SERF2: variants seen among roughly 807,000 people sequenced by gnomAD.
SERF2 encodes the protein gastric cancer-related protein VRG107.
SERF2 carries 4 observed loss-of-function variants against 10.7 expected under a neutral mutation model. The observed-to-expected ratio is 0.37, with a 90% CI of 0.18 to 0.86. The LOEUF is 0.86. SERF2 is among the 40% of genes least tolerant of loss of function. The pLI, the probability that SERF2 is intolerant of heterozygous loss-of-function variation, is 0.43. For missense variants in SERF2, 47 were observed against 79.1 expected (o/e 0.59, Z 1.54); for synonymous variants, 26 against 26.0 (o/e 1.00, Z 0.01).
At chr15:43,781,214 A>T (rs2086961149) in intron 1 of SERF2, among the ~76,000 whole-genome samples, 1 of 152,134 alleles carries the variant, frequency 6.6e-6, no homozygotes, top group East Asian at 1.9e-4. Context: ...GAGAGGGAGG[A>T]CACAAGATTT....
rs1347490038 is a variant in SERF2 at position 43,795,246 on chromosome 15, G to C, written c.*1473G>C. ...ACCAAAGGCTCTGGTTAGAGAATAT[G>C]AAGGGCCTTAGCTTTTAGACCTGTT... On this transcript the variant is annotated 3_prime_UTR_variant, in exon 3 of 3. Coordinates refer to ENST00000249786, the MANE Select transcript of SERF2 (RefSeq NM_001018108.4). 1.6e-5 allele frequency: 26 copies of C among 1,607,498 alleles called. No homozygotes were observed. The highest frequency in any genetic ancestry group is 2.2e-5 in the Non-Finnish European group (26 of 1,174,190).
At position 43,795,462 on chromosome 15, in the gene SERF2, G is replaced by T; in HGVS notation, c.*1689G>T. The T allele has an allele frequency of 6.2e-7, 1 of 1,614,186 alleles. No individual in the cohort carries two copies. On this transcript the variant is annotated 3_prime_UTR_variant, in exon 3 of 3. Transcript: ENST00000249786. ...AGACGAAGTGGAAGGCAGAATAGTT[G>T]TAGGAAAGATGCTGGACTTGGACTG...
Position 43,795,936 on chromosome 15 carries a change from A to AC in SERF2, c.*2163_*2164insC. The AC allele has an allele frequency of 1.5e-6, 1 of 645,242 alleles. No individual in the cohort carries two copies. Among genetic ancestry groups the AC allele is most frequent in the Non-Finnish European group, 2.7e-6 (1 of 370,576 alleles). The allele number at this position is 645,242 out of a possible 1,614,324, so 40.0% of individuals were successfully genotyped here. A position where few individuals can be genotyped will look rare whatever the true frequency, so the allele number is the denominator to read the frequency against. On this transcript the variant is annotated 3_prime_UTR_variant, in exon 3 of 3. Transcript: ENST00000249786. ...TTTGTGCCTCGATTTCTCCATTTGT[A>AC]AAATGGAGCAAATACCTACCTCACA...
chr15:43,787,212 G>T (rs2087015059), intron 2 of SERF2, among the ~76,000 whole-genome samples: 1 of 151,880 alleles, frequency 6.6e-6, no homozygotes, highest in Non-Finnish European at 1.5e-5. Flanking sequence ...TGTTAGCCAG[G>T]ATGGTCTTGA....
chr15:43,793,135 AG>A, intron 2 of SERF2, 52 bp downstream of exon 2: 1 of 1,185,492 alleles, frequency 8.4e-7, no homozygotes, highest in Non-Finnish European at 1.2e-6. Context: ...GGTTAGACCA[AG>A]GGTTATAGAA....
upstream of SERF2, chr15:43,792,203 A>AGCAC (rs2087074418): frequency 3.1e-6 from 2 of 655,238 alleles, no homozygotes; most frequent in East Asian, 5.5e-5. Context: ...CCCCGGCTCA[A>AGCAC]GCACGACCCG....
chr15:43,791,299 T>C (rs962115266), upstream of SERF2, among the ~76,000 whole-genome samples: 5 of 151,318 alleles, frequency 3.3e-5, no homozygotes, highest in African/African-American at 1.2e-4. Flanking sequence ...TGGAGTGCAA[T>C]GGCGCGATCT....
chr15:43,782,131 C>T (rs953520791), intron 1 of SERF2, among the ~76,000 whole-genome samples: 4 of 152,008 alleles, frequency 2.6e-5, no homozygotes, highest in Admixed American at 6.6e-5. Context: ...TCAGGTGATC[C>T]GCCCGCCTTG....
At position 43,793,837 on chromosome 15, in the gene SERF2, G is replaced by A; in HGVS notation, c.*64G>A. On this transcript the variant is annotated 3_prime_UTR_variant, in exon 3 of 3. Coordinates refer to ENST00000249786, the MANE Select transcript of SERF2 (RefSeq NM_001018108.4). ...GTGTGCCTGGAGCCAGTCCCACCAC[G>A]CTCGCGTTTCCTCCTGTAGTGCTCA... The A allele has an allele frequency of 1.9e-6, 3 of 1,613,654 alleles. No homozygotes were observed. Among genetic ancestry groups the A allele is most frequent in the Non-Finnish European group, 2.5e-6 (3 of 1,179,964 alleles).
chr15:43,793,224 TTCC>T, intron 2 of SERF2, 141 bp downstream of exon 2: 2 of 613,514 alleles, frequency 3.3e-6, no homozygotes, highest in Non-Finnish European at 5.9e-6. Flanking sequence ...AGGGTTTTAT[TTCC>T]TCCCCACCCT....
At chr15:43,790,269 C>T (rs750421339), upstream of SERF2, among the ~76,000 whole-genome samples, 58 of 151,574 alleles carry the variant, frequency 3.8e-4, no homozygotes, top group Admixed American at 1.3e-4. Flanking sequence ...GAGAGCATAC[C>T]ACTCCAGCCT....
chr15:43,777,623 G>A (rs138809807), intron 1 of SERF2: 408 of 172,726 alleles, frequency 2.4e-3, no homozygotes, highest in Non-Finnish European at 3.6e-3. Flanking sequence ...GCAGGGCAGA[G>A]AGCCAGAACC....
In SERF2 at chr15:43,794,949, A is replaced by G; in HGVS notation, c.*1176A>G. 1 of 1,464,140 alleles carries G rather than the reference A, an allele frequency of 6.8e-7. No individual in the cohort carries two copies. The highest frequency in any genetic ancestry group is 9.3e-7 in the Non-Finnish European group (1 of 1,070,766). 90.7% of individuals were successfully genotyped at this position (1,464,140 alleles called of 1,614,324 possible). A position where few individuals can be genotyped will look rare whatever the true frequency, so the allele number is the denominator to read the frequency against. ...GAGCTGGGCTGGACAGCTCCCCTTGAGCCAACTCTAGGAGTACAATGTCAG... is the reference window on the plus strand; with the variant it reads ...GAGCTGGGCTGGACAGCTCCCCTTGGGCCAACTCTAGGAGTACAATGTCAG... On this transcript the variant is annotated 3_prime_UTR_variant, in exon 3 of 3. Transcript: ENST00000249786.
intron 1 of SERF2, among the ~76,000 whole-genome samples, chr15:43,778,562 G>A (rs573460601): frequency 4.4e-4 from 48 of 109,088 alleles, no homozygotes; most frequent in African/African-American, 1.6e-3. Context: ...AAGGCCAGGC[G>A]CGCTGGCAGA....
Position 43,794,330 on chromosome 15 carries a change from C to T in SERF2, c.*557C>T. 1 of 210,446 alleles carries T rather than the reference C, an allele frequency of 4.8e-6. No individual in the cohort carries two copies. The highest frequency in any genetic ancestry group is 9.5e-6 in the Non-Finnish European group (1 of 105,346). The allele number at this position is 210,446 out of a possible 1,614,324, so 13.0% of individuals were successfully genotyped here. A position where few individuals can be genotyped will look rare whatever the true frequency, so the allele number is the denominator to read the frequency against. On this transcript the variant is annotated 3_prime_UTR_variant, in exon 3 of 3. Transcript: ENST00000249786. The stretch of plus-strand genomic sequence containing the variant: ...GATGGAGTTGGCCTAAGAGTGAATG[C>T]TGCAAGATCTGTGTTTATGCCTCTT...
At chr15:43,784,507 C>T (rs985657548) in intron 1 of SERF2, among the ~76,000 whole-genome samples, 12 of 152,094 alleles carry the variant, frequency 7.9e-5, no homozygotes, top group African/African-American at 2.7e-4. Context: ...CTCACTCTGT[C>T]ACCCAGGCTG....
In SERF2 at chr15:43,794,223, T is replaced by G; in HGVS notation, c.*450T>G. The G allele has an allele frequency of 4.9e-5, 22 of 450,122 alleles. No individual in the cohort carries two copies. Among genetic ancestry groups the G allele is most frequent in the Admixed American group, 7.9e-5 (2 of 25,460 alleles). The allele number at this position is 450,122 out of a possible 1,614,324, so 27.9% of individuals were successfully genotyped here. ...ATGACAACCAAACAAGTACTCCGGA[T>G]ATGCAGTAGAGGAATCCTCTAAGAA... On this transcript the variant is annotated 3_prime_UTR_variant, in exon 3 of 3. Transcript: ENST00000249786.
At chr15:43,791,593 C>G (rs988364165), upstream of SERF2, among the ~76,000 whole-genome samples, 3 of 152,178 alleles carry the variant, frequency 2.0e-5, no homozygotes, top group Non-Finnish European at 2.9e-5. Context: ...AAGAAAAGCT[C>G]CAGAGGGGAA....
chr15:43,780,397 C>T (rs1336847921), intron 1 of SERF2, among the ~76,000 whole-genome samples: 1 of 152,202 alleles, frequency 6.6e-6, no homozygotes, highest in East Asian at 1.9e-4. Context: ...CCACCTCGGC[C>T]TCCCAAAGTG....
Sources: allele counts gnomAD v4.1 joint callset (sites outside exome capture counted in the v4.1 genomes callset), GRCh38; gene constraint gnomAD v4.1.1; transcripts MANE v1.5; gene names NCBI Gene and HGNC (gene_info 2026-07-23, HGNC 2026-07-21).